PYHIN1: variants seen among roughly 807,000 people sequenced by gnomAD.
The protein encoded by PYHIN1 is pyrin and HIN domain family member 1, also known as pyrin and HIN domain-containing protein 1.
A neutral mutation model predicts 43.7 loss-of-function variants in PYHIN1; 32 were observed. The ratio of observed to expected loss-of-function variants is 0.73; its 90% CI spans 0.55 to 0.98. The LOEUF is 0.98. Among genes scored for constraint, PYHIN1 ranks in the 50% least tolerant of loss-of-function variants. The pLI, the probability that PYHIN1 is intolerant of heterozygous loss-of-function variation, is 0.00. For missense variants in PYHIN1, 588 were observed against 589.5 expected (o/e 1.00, Z 0.03); for synonymous variants, 205 against 203.1 (o/e 1.01, Z -0.08).
chr1:158,949,122 T>G (rs1169161248), intron 7 of PYHIN1, among the ~76,000 whole-genome samples: 4 of 152,130 alleles, frequency 2.6e-5, no homozygotes, highest in African/African-American at 7.2e-5. Context: ...TAAAGTGTCA[T>G]GGGGTGGCAA....
At position 158,937,673 on chromosome 1, in the gene PYHIN1, G is replaced by A. The variant is rs1029412208; in HGVS notation, c.265+498G>A. ...ATAATTAAAACAAACTCAGCCTGGC[G>A]CTGTTGCTCACGTCTGTAATCCCAG... On this transcript the variant is annotated intron_variant, in intron 2 of 8. Coordinates refer to ENST00000368140, the MANE Select transcript of PYHIN1 (RefSeq NM_152501.5). 2.0e-5 allele frequency among the ~76,000 whole-genome samples: 3 copies of A among 152,124 alleles called. No individual in the cohort carries two copies. In the South Asian group the frequency reaches 6.2e-4, roughly 32 times the overall value.
intron 4 of PYHIN1, chr1:158,939,718 C>G (rs915882269): frequency 1.5e-5 from 9 of 587,546 alleles, no homozygotes; most frequent in Non-Finnish European, 2.8e-5. Context: ...TCACTTAGAC[C>G]CCTGTAACAG....
Position 158,943,914 on chromosome 1 carries a change from G to A in PYHIN1, c.1127G>A (p.Cys376Tyr). Residue 376 changes from cysteine (C) to tyrosine (Y), a missense_variant, in exon 6 of 9, where the codon TGC becomes TAC. Transcript: ENST00000368140. ...AAAGGAGATAAGCTTCGACTCTTCT[G>A]CTTTCGACTGAGAAAGAGGGAAAAT... ...CEKGDKLRLF[C>Y]FRLRKRENMS... 6.2e-7 allele frequency: 1 copy of A among 1,607,682 alleles called. No homozygotes were observed.
At chr1:158,990,094 G>A in the PYHIN1 span, among the ~76,000 whole-genome samples, 5 of 152,166 alleles carry the variant, frequency 3.3e-5, no homozygotes, top group African/African-American at 4.8e-5. Flanking sequence ...CACTCATGAT[G>A]TGAATATGAC....
intron 1 of PYHIN1, among the ~76,000 whole-genome samples, chr1:158,934,161 C>A (rs1026012872): frequency 3.9e-5 from 6 of 152,102 alleles, no homozygotes; most frequent in African/African-American, 1.4e-4. Flanking sequence ...ACTTAATGCA[C>A]ATTTTTCTAG....
At chr1:158,953,595 T>A (rs375361655) in intron 7 of PYHIN1, among the ~76,000 whole-genome samples, 1 of 151,694 alleles carries the variant, frequency 6.6e-6, no homozygotes, top group East Asian at 1.9e-4. Flanking sequence ...CCAAAAACCC[T>A]TCTGTACATC....
At position 158,954,575 on chromosome 1, in the gene PYHIN1, C is replaced by A. The variant is rs1182853391; in HGVS notation, c.1359+9533C>A. 1.3e-5 allele frequency among the ~76,000 whole-genome samples: 2 copies of A among 151,714 alleles called. 1 individual carries two copies. The highest frequency in any genetic ancestry group is 4.2e-4 in the South Asian group (2 of 4,760). On this transcript the variant is annotated intron_variant, in intron 7 of 8. Coordinates refer to ENST00000368140, the MANE Select transcript of PYHIN1 (RefSeq NM_152501.5). The stretch of plus-strand genomic sequence containing the variant: ...CTGAGAGATTTTGTCACCACCAGGC[C>A]TGCCTTAAAAGAGCTCCTGAAGGAA...
intron 8 of PYHIN1, among the ~76,000 whole-genome samples, chr1:158,976,402 T>C (rs141603005): frequency 6.6e-6 from 1 of 152,052 alleles, no homozygotes; most frequent in African/African-American, 2.4e-5. Context: ...TTAGCCCTTG[T>C]CGTTGGACAC....
intron 2 of PYHIN1, among the ~76,000 whole-genome samples, chr1:158,937,883 G>A (rs1203147586): frequency 6.6e-6 from 1 of 151,634 alleles, no homozygotes; most frequent in African/African-American, 2.4e-5. Context: ...AGGCGGAGCT[G>A]GCAGTGAGCC....
intron 4 of PYHIN1, among the ~76,000 whole-genome samples, chr1:158,941,243 T>G (rs1464041859): frequency 6.6e-6 from 1 of 152,218 alleles, no homozygotes; most frequent in East Asian, 1.9e-4. Context: ...CATTAATGTG[T>G]TCTGCTGCAA....
At chr1:158,941,483 G>A (rs1158496565) in intron 4 of PYHIN1, among the ~76,000 whole-genome samples, 1 of 152,116 alleles carries the variant, frequency 6.6e-6, no homozygotes, top group Non-Finnish European at 1.5e-5. Context: ...ATCTTAGGCA[G>A]GAAAAGTATG....
chr1:158,941,991 G>T lies in PYHIN1; in HGVS notation c.594G>T (p.Leu198Phe). ...ATCATGCGCAGAGCCTAAAACCATT[G>T]GCCAACCGTCACGCAACTGCCAGTA... is the stretch of plus-strand genomic sequence containing the variant. Reference protein sequence around the residue: ...NTSSTESLKPLANRHATASKN... With the variant: ...NTSSTESLKPFANRHATASKN... Residue 198 changes from leucine to phenylalanine, a missense_variant, in exon 5 of 9, where the codon TTG (leucine) becomes TTT (phenylalanine). By Grantham distance (22) the Leu-to-Phe change is conservative. Transcript: ENST00000368140. 6.2e-7 allele frequency: 1 copy of T among 1,605,458 alleles called. No individual in the cohort carries two copies.
intron 7 of PYHIN1, among the ~76,000 whole-genome samples, chr1:158,947,129 C>T (rs950049721): frequency 1.3e-5 from 2 of 152,140 alleles, no homozygotes; most frequent in African/African-American, 4.8e-5. Flanking sequence ...TGACAGGTAA[C>T]TCATTGATCC....
At chr1:158,975,245 A>G (rs1303455763) in intron 8 of PYHIN1, among the ~76,000 whole-genome samples, 1 of 151,878 alleles carries the variant, frequency 6.6e-6, no homozygotes, top group Non-Finnish European at 1.5e-5. Context: ...CTGTGTTTGT[A>G]TTAATTATTA....
chr1:158,972,558 C>T (rs1250689088), intron 7 of PYHIN1, among the ~76,000 whole-genome samples: 1 of 151,940 alleles, frequency 6.6e-6, no homozygotes, highest in African/African-American at 2.4e-5. Context: ...TGAAGAAATA[C>T]AAGAGTGTGT....
intron 7 of PYHIN1, among the ~76,000 whole-genome samples, chr1:158,959,595 T>C (rs931872605): frequency 7.2e-5 from 11 of 152,194 alleles, no homozygotes; most frequent in Admixed American, 7.2e-4. Context: ...AGAAGATTTG[T>C]TATAACTTCA....
chr1:158,987,179 A>T, the PYHIN1 span, among the ~76,000 whole-genome samples: 1 of 152,228 alleles, frequency 6.6e-6, no homozygotes, highest in Non-Finnish European at 1.5e-5. Flanking sequence ...CATTGCCACA[A>T]GCAGTGTAGA....
chr1:158,943,950 T>G lies in PYHIN1; in HGVS notation c.1163T>G (p.Leu388Arg). 2 of 1,607,024 alleles carry G rather than the reference T, an allele frequency of 1.2e-6. No individual in the cohort carries two copies. Among genetic ancestry groups the G allele is most frequent in the Non-Finnish European group, 1.7e-6 (2 of 1,175,248 alleles). ...AGAAAGAGGGAAAATATGTCAAAAC[T>G]GATGTCAGAAATGCATAGTTTCATC... ...RLRKRENMSK[L>R]MSEMHSFIQI... The change falls in exon 6 of 9, where the codon CTG becomes CGG. Residue 388 changes from leucine (L) to arginine (R), a missense_variant. Leu to Arg is a moderately radical substitution (Grantham distance 102). Transcript: ENST00000368140.
At chr1:158,988,124 C>T in the PYHIN1 span, among the ~76,000 whole-genome samples, 1 of 152,174 alleles carries the variant, frequency 6.6e-6, no homozygotes, top group Non-Finnish European at 1.5e-5. Context: ...GACTTATAGC[C>T]TCCAGAACTG....
Sources: gnomAD v4.1 joint callset for allele counts (sites outside exome capture counted in the v4.1 genomes callset) on GRCh38, gnomAD v4.1.1 for gene constraint, MANE v1.5 for transcripts, NCBI Gene and HGNC (gene_info 2026-07-23, HGNC 2026-07-21) for gene names.